The following LRRIQ1 variants were observed in gnomAD, a reference collection of about 807,000 sequenced individuals.
LRRIQ1 encodes leucine rich repeats and IQ motif containing 1.
In LRRIQ1, 210 loss-of-function variants were observed where a neutral mutation model predicts 211.9. That is an observed-to-expected ratio of 0.99 (90% CI 0.89 to 1.11). The LOEUF is 1.11. LRRIQ1 is among the 50% of genes most tolerant of loss of function. LRRIQ1 has a pLI of 0.00. For missense variants in LRRIQ1, 2,136 were observed against 1,939.5 expected, an observed-to-expected ratio of 1.10 and a Z score of -1.90; for synonymous variants, 699 against 650.1, an observed-to-expected ratio of 1.08 and a Z score of -1.14.
chr12:85,256,039 C>T (rs966730655), intron 1 of LRRIQ1, among the ~76,000 whole-genome samples: 12 of 151,628 alleles, frequency 7.9e-5, no homozygotes, highest in African/African-American at 2.9e-4. Flanking sequence ...CATTCTAAGA[C>T]AGTTAAATGA....
chr12:85,108,700 T>C (rs995580429), intron 15 of LRRIQ1, among the ~76,000 whole-genome samples: 2 of 152,154 alleles, frequency 1.3e-5, no homozygotes, highest in Non-Finnish European at 2.9e-5. Context: ...ACATTCACTT[T>C]TGAGATGGTT....
intron 19 of LRRIQ1, among the ~76,000 whole-genome samples, chr12:85,147,876 T>C (rs142223352): frequency 2.6e-5 from 4 of 151,824 alleles, no homozygotes; most frequent in Non-Finnish European, 5.9e-5. Context: ...TCACAAGAAC[T>C]CTAAGTGCCA....
chr12:85,228,088 A>G (rs1376212302), intron 24 of LRRIQ1, among the ~76,000 whole-genome samples: 1 of 152,208 alleles, frequency 6.6e-6, no homozygotes, highest in East Asian at 1.9e-4. Flanking sequence ...AACCTTGGCA[A>G]TACCATTCAG....
chr12:85,109,882 G>A (rs1268657964), intron 15 of LRRIQ1, among the ~76,000 whole-genome samples: 1 of 152,036 alleles, frequency 6.6e-6, no homozygotes, highest in African/African-American at 2.4e-5. Flanking sequence ...GGATGGCCTT[G>A]AACTCCTGGA....
downstream of LRRIQ1, among the ~76,000 whole-genome samples, chr12:85,247,230 C>G (rs1394077692): frequency 6.6e-6 from 1 of 151,564 alleles, no homozygotes; most frequent in Non-Finnish European, 1.5e-5. Flanking sequence ...GGGCCCTAGG[C>G]CTCCATGGCC....
At chr12:85,198,707 A>G (rs745885156) in intron 24 of LRRIQ1, among the ~76,000 whole-genome samples, 11 of 151,966 alleles carry the variant, frequency 7.2e-5, no homozygotes, top group Non-Finnish European at 1.2e-4. Flanking sequence ...AGCTGGGACT[A>G]CAGGCGCCTG....
At chr12:85,038,063 C>T (rs1325687910) in intron 1 of LRRIQ1, 90 bp from the exon 2 acceptor site, 1 of 859,068 alleles carries the variant, frequency 1.2e-6, no homozygotes, top group African/African-American at 1.8e-5. Context: ...TAAATTAAAA[C>T]ATATTTAAAT....
intron 1 of LRRIQ1, among the ~76,000 whole-genome samples, chr12:85,255,638 T>C (rs544432423): frequency 1.2e-4 from 18 of 151,886 alleles, no homozygotes; most frequent in African/African-American, 4.1e-4. Flanking sequence ...ATTATTGTTA[T>C]CACTTTATGG....
At chr12:85,234,813 G>T (rs1895100937) in intron 26 of LRRIQ1, among the ~76,000 whole-genome samples, 1 of 152,198 alleles carries the variant, frequency 6.6e-6, no homozygotes, top group African/African-American at 2.4e-5. Context: ...TCAAATGTTA[G>T]AAAAGACAGA....
At chr12:85,107,804 A>G (rs185686507) in intron 15 of LRRIQ1, among the ~76,000 whole-genome samples, 2 of 152,198 alleles carry the variant, frequency 1.3e-5, no homozygotes, top group Admixed American at 1.3e-4. Context: ...CTGTTTAAGT[A>G]TCTACTCTGC....
At chr12:85,267,932 T>C (rs1593040498), downstream of LRRIQ1, among the ~76,000 whole-genome samples, 1 of 152,036 alleles carries the variant, frequency 6.6e-6, no homozygotes, top group African/African-American at 2.4e-5. Flanking sequence ...GATTAATGTA[T>C]AACTCAATAG....
intron 15 of LRRIQ1, among the ~76,000 whole-genome samples, chr12:85,115,884 CAA>C (rs1176715353): frequency 2.0e-5 from 3 of 151,974 alleles, no homozygotes; most frequent in African/African-American, 7.2e-5. Context: ...TCTGATAAAA[CAA>C]ATATTTATAT....
At position 85,223,469 on chromosome 12, in the gene LRRIQ1, C is replaced by T. The variant is rs540640195; in HGVS notation, c.4823-6048C>T. On this transcript the variant is annotated intron_variant, in intron 24 of 26. Coordinates refer to ENST00000393217, the MANE Select transcript of LRRIQ1 (RefSeq NM_001079910.2). The stretch of plus-strand genomic sequence containing the variant: ...GAATGAATATAATTGTTAGATAAGC[C>T]AGTTTCAGGCCATTTTACAGTATCT... Among the ~76,000 whole-genome samples the T allele has an allele frequency of 5.3e-5, 8 of 152,220 alleles. No individual in the cohort carries two copies. In the South Asian group the frequency reaches 1.7e-3, roughly 32 times the overall value.
chr12:85,141,328 C>A (rs1000532987), intron 19 of LRRIQ1, among the ~76,000 whole-genome samples: 7 of 151,010 alleles, frequency 4.6e-5, no homozygotes, highest in African/African-American at 1.5e-4. Flanking sequence ...GAGGGGCATT[C>A]TATGAGGTAT....
chr12:85,061,840 T>C (rs1203779723), intron 8 of LRRIQ1, among the ~76,000 whole-genome samples: 1 of 151,836 alleles, frequency 6.6e-6, no homozygotes, highest in Non-Finnish European at 1.5e-5. Context: ...AATAAATTTG[T>C]TTCAAAATTG....
chr12:85,269,474 G>A, the LRRIQ1 span, among the ~76,000 whole-genome samples: 5 of 151,998 alleles, frequency 3.3e-5, no homozygotes, highest in Non-Finnish European at 7.4e-5. Flanking sequence ...ATTATTAAGT[G>A]CAAGAAAACT....
chr12:85,101,796 G>T (rs1457254775), intron 13 of LRRIQ1, among the ~76,000 whole-genome samples: 1 of 151,566 alleles, frequency 6.6e-6, no homozygotes, highest in South Asian at 2.1e-4. Context: ...ATTACAAAAA[G>T]ATTTTTTCAA....
At chr12:85,090,684 A>G (rs114583949) in intron 11 of LRRIQ1, among the ~76,000 whole-genome samples, 331 of 152,278 alleles carry the variant, frequency 2.2e-3, no homozygotes, top group African/African-American at 7.8e-3. Flanking sequence ...CTTTCATTGT[A>G]TCTTAGAAGT....
intron 24 of LRRIQ1, among the ~76,000 whole-genome samples, chr12:85,168,163 C>G (rs1555219643): frequency 6.6e-6 from 1 of 152,148 alleles, no homozygotes; most frequent in Non-Finnish European, 1.5e-5. Flanking sequence ...CTCAGCAGGT[C>G]ATGGTTTTTT....
Sources: allele counts gnomAD v4.1 joint callset (sites outside exome capture counted in the v4.1 genomes callset), GRCh38; gene constraint gnomAD v4.1.1; transcripts MANE v1.5; gene names NCBI Gene and HGNC (gene_info 2026-07-23, HGNC 2026-07-21).